Variants in PACS2 observed in about 807,000 individuals in gnomAD.
PACS2 encodes PACS1-like protein.
PACS2 carries 36 observed loss-of-function variants against 113.0 expected under a neutral mutation model. The observed-to-expected ratio is 0.32, with a 90% CI of 0.24 to 0.42. The LOEUF (loss-of-function observed/expected upper bound fraction) is 0.42, where lower values mean the gene tolerates loss of function less well. Ranked by LOEUF, PACS2 falls within the 10% of genes least tolerant of loss-of-function variation. PACS2 has a pLI of 1.00. For missense variants in PACS2, 1,015 were observed against 1,239.5 expected, an observed-to-expected ratio of 0.82 and a Z score of 2.72; for synonymous variants, 589 against 536.1, an observed-to-expected ratio of 1.10 and a Z score of -1.36.
chr14:105,343,456 A>T (rs1366979582), intron 1 of PACS2, among the ~76,000 whole-genome samples: 1 of 152,202 alleles, frequency 6.6e-6, no homozygotes, highest in Non-Finnish European at 1.5e-5. Context: ...TGACTCTGCC[A>T]TGTGGCGTTC....
chr14:105,384,964 C>T lies in PACS2; in HGVS notation c.1977C>T (p.Ala659=). The T allele has an allele frequency of 6.3e-7, 1 of 1,589,084 alleles. No individual in the cohort carries two copies. The highest frequency in any genetic ancestry group is 1.1e-5 in the South Asian group (1 of 87,524). ...CCCACCAGCTCCCCATCGCAGAGGC[C>T]ATGCTGACCTACAAGCAGAAGAGGT... ...NCAHQLPIAE[A]MLTYKQKRKK... The change falls in exon 18 of 25, where the codon GCC becomes GCT. Residue 659 remains alanine, a synonymous_variant. Transcript: ENST00000447393.
chr14:105,385,040 C>T, intron 18 of PACS2, 53 bp downstream of exon 18: 1 of 1,089,984 alleles, frequency 9.2e-7, no homozygotes, highest in South Asian at 1.3e-5. Flanking sequence ...GCCACCAACC[C>T]TCCGTGGGCC....
chr14:105,301,147 G>GGACCCAAGGCTGGCGACGC (rs1799885115), intron 1 of PACS2: 6 of 152,826 alleles, frequency 3.9e-5, no homozygotes, highest in Admixed American at 2.6e-4. Flanking sequence ...GCTGGCGACG[G>GGACCCAAGGCTGGCGACGC]GACCCAAGGC....
chr14:105,321,231 A>G (rs1423321299), intron 1 of PACS2, among the ~76,000 whole-genome samples: 2 of 152,194 alleles, frequency 1.3e-5, no homozygotes, highest in Non-Finnish European at 2.9e-5. Flanking sequence ...GTGTTTGTCT[A>G]TTAGATCAAG....
At chr14:105,336,307 A>T (rs1321872990) in intron 1 of PACS2, 4 of 152,476 alleles carry the variant, frequency 2.6e-5, no homozygotes, top group Non-Finnish European at 5.9e-5. Context: ...TGCATTTCTC[A>T]GAAATCCGTG....
chr14:105,302,596 T>A (rs898168223), intron 1 of PACS2, among the ~76,000 whole-genome samples: 2 of 152,296 alleles, frequency 1.3e-5, no homozygotes, highest in East Asian at 1.9e-4. Context: ...CTTCATTTTT[T>A]AAAAATTGAG....
chr14:105,309,821 T>A (rs2058297423), upstream of PACS2, among the ~76,000 whole-genome samples: 1 of 141,192 alleles, frequency 7.1e-6, no homozygotes. The surrounding 1 kb of genome is among the most constrained non-coding windows in gnomAD (Gnocchi z 4.0). Flanking sequence ...AGTCTCACTC[T>A]CTTGCCCAGG....
intron 7 of PACS2, among the ~76,000 whole-genome samples, chr14:105,368,755 G>T (rs1192337866): frequency 6.6e-6 from 1 of 152,218 alleles, no homozygotes; most frequent in Non-Finnish European, 1.5e-5. Flanking sequence ...TTGTGTGGCC[G>T]CTAGGCTCAG....
chr14:105,335,211 A>G (rs1390481537), intron 1 of PACS2, among the ~76,000 whole-genome samples: 1 of 152,190 alleles, frequency 6.6e-6, no homozygotes, highest in African/African-American at 2.4e-5. Flanking sequence ...CATTGTTCTC[A>G]CAGCCACCTC....
Position 105,317,984 on chromosome 14 carries a change from T to C in PACS2, c.119+2947T>C, listed in dbSNP as rs930227216. On this transcript the variant is annotated intron_variant, in intron 1 of 24. Coordinates refer to ENST00000447393, the MANE Select transcript of PACS2 (RefSeq NM_001100913.3). This position sits in a 1 kb window ranked among gnomAD's most constrained non-coding sequence, Gnocchi z 4.2. ...GGTCCACGGGGTATGCGTCAGTGCCTGTCTGTGGCCTCTGCCTCCTGGGTT... is the reference window on the plus strand; with the variant it reads ...GGTCCACGGGGTATGCGTCAGTGCCCGTCTGTGGCCTCTGCCTCCTGGGTT... Among the ~76,000 whole-genome samples, 1 of 152,220 alleles carries C rather than the reference T, an allele frequency of 6.6e-6. No individual in the cohort carries two copies. The highest frequency in any genetic ancestry group is 2.4e-5 in the African/African-American group (1 of 41,454).
intron 7 of PACS2, 51 bp from the exon 8 acceptor site, chr14:105,369,790 C>T (rs370929996): frequency 7.5e-6 from 11 of 1,469,576 alleles, no homozygotes; most frequent in East Asian, 4.9e-5. Flanking sequence ...GCTCCAGCGG[C>T]GGGTCTGCAG....
chr14:105,311,400 C>T (rs996328798), upstream of PACS2, among the ~76,000 whole-genome samples: 1 of 152,096 alleles, frequency 6.6e-6, no homozygotes, highest in African/African-American at 2.4e-5. Context: ...ATCACAGATG[C>T]GCACCACCAT....
At chr14:105,379,597 C>T in intron 9 of PACS2, 142 bp from the exon 10 acceptor site, 2 of 672,240 alleles carry the variant, frequency 3.0e-6, no homozygotes, top group East Asian at 2.7e-5. Flanking sequence ...TGTGCGCTGA[C>T]ACGGGCTCTT....
chr14:105,381,161 G>A lies in PACS2; in HGVS notation c.1268+62G>A, dbSNP rs368623738. On this transcript the variant is annotated intron_variant, in intron 12 of 24. Transcript: ENST00000447393. ...CACCTGTCGGGGGAGGGGCCGTCACGGGCATCAGTCGGGGTGGGTGCGTGT... is the reference window on the plus strand; with the variant it reads ...CACCTGTCGGGGGAGGGGCCGTCACAGGCATCAGTCGGGGTGGGTGCGTGT... The A allele has an allele frequency of 6.7e-6, 10 of 1,495,246 alleles. No individual in the cohort carries two copies. The East Asian group carries it at 7.0e-5, about 10-fold the overall frequency. The allele number at this position is 1,495,246 out of a possible 1,614,324, so 92.6% of individuals were successfully genotyped here.
intron 1 of PACS2, among the ~76,000 whole-genome samples, chr14:105,346,153 T>G (rs1379374727): frequency 6.6e-6 from 1 of 152,180 alleles, no homozygotes; most frequent in Non-Finnish European, 1.5e-5. Context: ...ACTCATTGTT[T>G]AAGCTCCATG....
intron 1 of PACS2, among the ~76,000 whole-genome samples, chr14:105,335,118 G>A (rs917887718): frequency 3.3e-5 from 5 of 152,248 alleles, no homozygotes; most frequent in Non-Finnish European, 5.9e-5. Flanking sequence ...GACAATGGCC[G>A]GCAGCTCCCA....
rs1245222691 is a variant in PACS2, at chr14:105,330,157, C to G, written c.119+15120C>G. Among the ~76,000 whole-genome samples, 2 of 141,260 alleles carry G rather than the reference C, an allele frequency of 1.4e-5. No homozygotes were observed. The highest frequency in any genetic ancestry group is 5.4e-5 in the African/African-American group (2 of 36,920). The allele number at this position is 141,260 out of a possible 152,430, so 92.7% of individuals were successfully genotyped here. On this transcript the variant is annotated intron_variant, in intron 1 of 24. Transcript: ENST00000447393. The surrounding 1 kb of genome is among the most constrained non-coding windows in gnomAD (Gnocchi z 6.9). ...ACGGGGACAGGGAGCCTCCGAGAAG[C>G]CTGGGGTCCGTGTGTGGGACGGAAC...
intron 1 of PACS2, among the ~76,000 whole-genome samples, chr14:105,307,118 C>G (rs2058212720): frequency 6.6e-6 from 1 of 151,704 alleles, no homozygotes; most frequent in African/African-American, 2.4e-5. Context: ...GATCATAGCT[C>G]ACTGTCGTCT....
chr14:105,353,350 T>C (rs1259276029), intron 3 of PACS2, among the ~76,000 whole-genome samples: 19 of 84,808 alleles, frequency 2.2e-4, no homozygotes, highest in South Asian at 4.6e-4. Context: ...ACGGGCGCCC[T>C]CATCACTGTC....
Sources: allele counts gnomAD v4.1 joint callset (sites outside exome capture counted in the v4.1 genomes callset), GRCh38; gene constraint gnomAD v4.1.1; non-coding constraint Gnocchi (gnomAD v3.1); transcripts MANE v1.5; gene names NCBI Gene and HGNC (gene_info 2026-07-23, HGNC 2026-07-21).